TRHDE: variants seen among roughly 807,000 people sequenced by gnomAD.
The protein encoded by TRHDE is thyrotropin-releasing hormone-degrading ectoenzyme.
In TRHDE, 72 loss-of-function variants were observed where a neutral mutation model predicts 125.7. The observed-to-expected ratio is 0.57, with a 90% confidence interval of 0.47 to 0.70. TRHDE has a LOEUF of 0.70. Ranked by LOEUF, TRHDE falls within the 30% of genes least tolerant of loss-of-function variation. The pLI is 0.00. For missense variants in TRHDE, 1,110 were observed against 1,327.1 expected (o/e 0.84, Z 2.54); for synonymous variants, 509 against 509.1 (o/e 1.00, Z 0.00).
At chr12:72,155,209 A>G (rs1019394061) in intron 2 of TRHDE, among the ~76,000 whole-genome samples, 4 of 152,024 alleles carry the variant, frequency 2.6e-5, no homozygotes, top group Non-Finnish European at 5.9e-5. Flanking sequence ...TTGTGCATTC[A>G]TCATGTAGTT....
intron 6 of TRHDE, among the ~76,000 whole-genome samples, chr12:72,520,236 C>A (rs1347606281): frequency 2.0e-5 from 3 of 152,222 alleles, no homozygotes; most frequent in Non-Finnish European, 4.4e-5. Context: ...GCCCCTCCCC[C>A]AGTCTCGCTG....
intron 12 of TRHDE, among the ~76,000 whole-genome samples, chr12:72,601,927 T>C (rs759787331): frequency 6.6e-6 from 1 of 152,186 alleles, no homozygotes; most frequent in Non-Finnish European, 1.5e-5. Context: ...CATATCTCTG[T>C]ACATGGTAAC....
At chr12:72,242,788 A>G (rs111497746) in intron 2 of TRHDE, among the ~76,000 whole-genome samples, 402 of 152,226 alleles carry the variant, frequency 2.6e-3, no homozygotes, top group Non-Finnish European at 4.9e-3. Context: ...ATTTTGTCCT[A>G]TGTGTTTTGT....
chr12:72,334,361 C>T (rs1869737567), intron 2 of TRHDE, among the ~76,000 whole-genome samples: 1 of 152,224 alleles, frequency 6.6e-6, no homozygotes, highest in South Asian at 2.1e-4. Flanking sequence ...TCAGCTCCTA[C>T]TCAAACTCTA....
chr12:72,191,493 CCTGA>C (rs1196017363), intron 2 of TRHDE, among the ~76,000 whole-genome samples: 1 of 152,076 alleles, frequency 6.6e-6, no homozygotes, highest in Non-Finnish European at 1.5e-5. Context: ...CTTTCTGAAC[CCTGA>C]CTGATATAGG....
intron 12 of TRHDE, 104 bp from the exon 13 acceptor site, chr12:72,618,787 C>T (rs1460730520): frequency 1.9e-5 from 17 of 913,650 alleles, no homozygotes; most frequent in Non-Finnish European, 2.5e-5. Context: ...ACTGAATATG[C>T]TTTCTTTATA....
intron 2 of TRHDE, among the ~76,000 whole-genome samples, chr12:72,170,283 T>G (rs1876840956): frequency 6.6e-6 from 1 of 152,134 alleles, no homozygotes; most frequent in Admixed American, 6.5e-5. Flanking sequence ...AGAGAATAGA[T>G]ACATGGTTCT....
chr12:72,196,524 C>T (rs1877445980), intron 2 of TRHDE, among the ~76,000 whole-genome samples: 1 of 151,990 alleles, frequency 6.6e-6, no homozygotes, highest in South Asian at 2.1e-4. Flanking sequence ...ATTTGGCTCT[C>T]AGCTTGAACA....
chr12:72,119,872 G>A (rs1223536484), intron 2 of TRHDE, among the ~76,000 whole-genome samples: 4 of 151,996 alleles, frequency 2.6e-5, no homozygotes, highest in African/African-American at 7.3e-5. Flanking sequence ...CCATTGTCAT[G>A]GAATATGTTT....
At chr12:72,514,288 A>G (rs1448855882) in intron 6 of TRHDE, among the ~76,000 whole-genome samples, 1 of 152,284 alleles carries the variant, frequency 6.6e-6, no homozygotes, top group Middle Eastern at 3.4e-3. Flanking sequence ...TAAGAGAAGA[A>G]TCATTTGTGC....
At chr12:72,106,352 G>T (rs1182455911) in intron 2 of TRHDE, among the ~76,000 whole-genome samples, 2 of 151,912 alleles carry the variant, frequency 1.3e-5, no homozygotes, top group African/African-American at 4.8e-5. Context: ...AAAAATTATT[G>T]TTAATTGATT....
Position 72,295,221 on chromosome 12 carries a change from G to A in TRHDE, c.1188+8267G>A, listed in dbSNP as rs536268861. Among the ~76,000 whole-genome samples, 11 of 152,076 alleles carry A rather than the reference G, an allele frequency of 7.2e-5. No homozygotes were observed. The South Asian group carries it at 8.3e-4, about 11-fold the overall frequency. On this transcript the variant is annotated intron_variant, in intron 2 of 18. Coordinates refer to ENST00000261180, the MANE Select transcript of TRHDE (RefSeq NM_013381.3). ...GGAGAGGGAGACCTGGGTCTTCAGCGTGGTTTGGGCGGCTGCAGCAGCACT... is the reference window on the plus strand; with the variant it reads ...GGAGAGGGAGACCTGGGTCTTCAGCATGGTTTGGGCGGCTGCAGCAGCACT...
At chr12:72,473,036 T>C (rs745760654) in intron 4 of TRHDE, 31 bp from the exon 5 acceptor site, 4 of 1,503,404 alleles carry the variant, frequency 2.7e-6, no homozygotes, top group East Asian at 4.5e-5. Flanking sequence ...GATTTTATTT[T>C]ATTTGATGAC....
chr12:72,327,532 C>T lies in TRHDE; in HGVS notation c.1188+40578C>T, dbSNP rs544072382. 2.4e-4 allele frequency among the ~76,000 whole-genome samples: 36 copies of T among 152,080 alleles called. No homozygotes were observed. In the South Asian group the frequency reaches 5.6e-3, roughly 24 times the overall value. ...GAACACACTGAATCACCAAACTGAC[C>T]GTAGAGATTTATTTTCAGAATTCAA... On this transcript the variant is annotated intron_variant, in intron 2 of 18. Coordinates refer to ENST00000261180, the MANE Select transcript of TRHDE (RefSeq NM_013381.3).
At chr12:72,226,274 A>T (rs1878126459) in intron 2 of TRHDE, among the ~76,000 whole-genome samples, 1 of 152,176 alleles carries the variant, frequency 6.6e-6, no homozygotes, top group Admixed American at 6.6e-5. Context: ...TATAAAAAGG[A>T]AACATAACAT....
chr12:72,273,272 G>A lies in TRHDE; in HGVS notation c.629G>A (p.Gly210Glu). The A allele has an allele frequency of 6.2e-7, 1 of 1,614,104 alleles. No individual in the cohort carries two copies. Among genetic ancestry groups the A allele is most frequent in the Middle Eastern group, 1.6e-4 (1 of 6,062 alleles). Residue 210 changes from glycine to glutamate, a missense_variant, in exon 1 of 19, where the codon GGG (glycine) becomes GAG (glutamate). Physicochemically the swap from Gly to Glu is moderately conservative, Grantham distance 98 (BLOSUM62 -2). This residue lies in a region of TRHDE where 72 missense variants were observed against 122.2 expected (regional missense o/e 0.59). Coordinates refer to ENST00000261180, the MANE Select transcript of TRHDE (RefSeq NM_013381.3). The surrounding 1 kb of genome is among the most constrained non-coding windows in gnomAD (Gnocchi z 5.3). ...TTCATGGAGAACTTCACCTTCTCCG[G>A]GGAGGTCAACGTGGAGATCGCGTGC... ...TAFMENFTFS[G>E]EVNVEIACRN...
chr12:72,631,810 A>T (rs1373413901), intron 15 of TRHDE, among the ~76,000 whole-genome samples: 1 of 151,952 alleles, frequency 6.6e-6, no homozygotes, highest in Non-Finnish European at 1.5e-5. Context: ...TCTTCTACTC[A>T]AGACAGCTTT....
chr12:72,587,568 T>C (rs1394311802), intron 12 of TRHDE, among the ~76,000 whole-genome samples: 2 of 152,064 alleles, frequency 1.3e-5, no homozygotes, highest in Admixed American at 1.3e-4. Context: ...GAAATCACTA[T>C]ATTTAGCCTC....
chr12:72,321,658 T>G (rs1030333302), intron 2 of TRHDE, among the ~76,000 whole-genome samples: 8 of 152,166 alleles, frequency 5.3e-5, no homozygotes, highest in African/African-American at 1.9e-4. Context: ...GTATATACAT[T>G]ATGTTCTAAA....
Sources: gnomAD v4.1 joint callset for allele counts (sites outside exome capture counted in the v4.1 genomes callset) on GRCh38, gnomAD v4.1.1 for gene constraint, gnomAD v4.1.1 regional missense constraint, Gnocchi (gnomAD v3.1) non-coding constraint, MANE v1.5 for transcripts, NCBI Gene and HGNC (gene_info 2026-07-23, HGNC 2026-07-21) for gene names.